RBFOX1: variants seen among roughly 807,000 people sequenced by gnomAD.
The protein encoded by RBFOX1 is RNA binding protein fox-1 homolog 1.
In RBFOX1, 8 loss-of-function variants were observed where a neutral mutation model predicts 57.7. That is an observed-to-expected ratio of 0.14 (90% CI 0.08 to 0.25). RBFOX1 has a LOEUF of 0.25. Ranked by LOEUF, RBFOX1 falls within the 10% of genes least tolerant of loss-of-function variation. The pLI is 1.00. For synonymous variants in RBFOX1, 326 were observed against 222.4 expected (o/e 1.47, Z -4.15); for missense variants, 611 against 548.5 (o/e 1.11, Z -1.14).
At chr16:6,660,587 C>T (rs1430637024) in intron 3 of RBFOX1, among the ~76,000 whole-genome samples, 1 of 152,146 alleles carries the variant, frequency 6.6e-6, no homozygotes, top group Non-Finnish European at 1.5e-5. Flanking sequence ...TCCCAAATAG[C>T]AACTCTGTGA....
chr16:6,489,718 T>C (rs937127483), intron 2 of RBFOX1, among the ~76,000 whole-genome samples: 1 of 152,192 alleles, frequency 6.6e-6, no homozygotes, highest in African/African-American at 2.4e-5. Context: ...TGAGTGATAA[T>C]GCTCACAGCT....
chr16:7,205,442 C>T (rs1051678018), intron 4 of RBFOX1, among the ~76,000 whole-genome samples: 2 of 149,944 alleles, frequency 1.3e-5, no homozygotes, highest in Non-Finnish European at 3.0e-5. Context: ...GGCTTGAACC[C>T]AGGAGGTGGA....
chr16:7,118,951 G>A (rs999039897), intron 4 of RBFOX1, among the ~76,000 whole-genome samples: 2 of 152,134 alleles, frequency 1.3e-5, no homozygotes, highest in African/African-American at 4.8e-5. Context: ...GTGTTTCTGT[G>A]AGTTTGGTAG....
At chr16:5,828,429 C>T (rs941407711) in intron 3 of RBFOX1, among the ~76,000 whole-genome samples, 19 of 152,184 alleles carry the variant, frequency 1.2e-4, no homozygotes, top group African/African-American at 3.6e-4. Flanking sequence ...ATGCAACCAC[C>T]GGGCTCACGC....
chr16:6,957,065 C>G (rs918519498), intron 3 of RBFOX1, among the ~76,000 whole-genome samples: 1 of 139,618 alleles, frequency 7.2e-6, no homozygotes, highest in Non-Finnish European at 1.5e-5. Flanking sequence ...AGCCCAAGGG[C>G]TGCTGGTTGC....
At chr16:5,240,472 C>A (rs2062137431) in intron 1 of RBFOX1, among the ~76,000 whole-genome samples, 1 of 152,120 alleles carries the variant, frequency 6.6e-6, no homozygotes, top group Non-Finnish European at 1.5e-5. Context: ...GTCGGTCCCA[C>A]CTGGCGGGGG....
intron 4 of RBFOX1, among the ~76,000 whole-genome samples, chr16:5,918,978 G>A (rs1481707994): frequency 1.3e-5 from 2 of 152,200 alleles, no homozygotes; most frequent in African/African-American, 2.4e-5. Flanking sequence ...TGGACACAAG[G>A]AGGCGCAGTG....
At chr16:6,107,277 G>C (rs1326532282) in intron 1 of RBFOX1, among the ~76,000 whole-genome samples, 1 of 152,064 alleles carries the variant, frequency 6.6e-6, no homozygotes, top group East Asian at 1.9e-4. Context: ...TGCTAGGAAA[G>C]GCTTGGAGTC....
At chr16:7,075,526 T>G (rs1598792503) in intron 4 of RBFOX1, among the ~76,000 whole-genome samples, 1 of 152,150 alleles carries the variant, frequency 6.6e-6, no homozygotes, top group African/African-American at 2.4e-5. Flanking sequence ...TATTAAAAAA[T>G]AAAAGCCCAC....
intron 1 of RBFOX1, among the ~76,000 whole-genome samples, chr16:6,230,620 A>C (rs2097451921): frequency 6.6e-6 from 1 of 152,334 alleles, no homozygotes; most frequent in South Asian, 2.1e-4. Context: ...GCAGAAGTAT[A>C]AAGAGGTCTG....
At chr16:5,968,230 A>AT (rs2059890102) in intron 4 of RBFOX1, among the ~76,000 whole-genome samples, 2 of 151,938 alleles carry the variant, frequency 1.3e-5, no homozygotes, top group Non-Finnish European at 2.9e-5. Flanking sequence ...ATGTACCACC[A>AT]TGCCCGGTTA....
chr16:7,231,347 A>T (rs1388105684), intron 4 of RBFOX1, among the ~76,000 whole-genome samples: 1 of 152,160 alleles, frequency 6.6e-6, no homozygotes, highest in Non-Finnish European at 1.5e-5. Flanking sequence ...CGTTCACGTG[A>T]CTAAACTGGA....
intron 1 of RBFOX1, among the ~76,000 whole-genome samples, chr16:5,362,253 C>T (rs778031030): frequency 3.9e-5 from 6 of 152,076 alleles, no homozygotes; most frequent in African/African-American, 7.2e-5. Flanking sequence ...TGCAGTGGCA[C>T]GATCTCAGCT....
intron 3 of RBFOX1, among the ~76,000 whole-genome samples, chr16:6,762,617 A>T (rs9932162): frequency 0.017 from 2,639 of 152,286 alleles, 79 homozygotes; most frequent in African/African-American, 0.06. Context: ...GGAACAGCAA[A>T]AGTCATTTTA....
intron 4 of RBFOX1, among the ~76,000 whole-genome samples, chr16:7,223,841 G>A (rs2092913753): frequency 6.6e-6 from 1 of 150,454 alleles, no homozygotes. Context: ...TTTTTTGGTA[G>A]AAATAGCCAT....
At chr16:6,815,010 T>G (rs1484172537) in intron 3 of RBFOX1, among the ~76,000 whole-genome samples, 2 of 152,178 alleles carry the variant, frequency 1.3e-5, no homozygotes, top group Admixed American at 6.5e-5. Context: ...TCCTTATCAT[T>G]ACTTCTTGAT....
intron 2 of RBFOX1, chr16:6,483,451 C>T (rs749971737): frequency 8.5e-6 from 13 of 1,535,588 alleles, no homozygotes; most frequent in Non-Finnish European, 1.1e-5. Context: ...GGACTTCTCC[C>T]GTGCTGTGTT....
chr16:6,812,233 A>T (rs75824482), intron 3 of RBFOX1, among the ~76,000 whole-genome samples: 2 of 152,176 alleles, frequency 1.3e-5, no homozygotes, highest in Admixed American at 6.5e-5. Flanking sequence ...AGCTCCTCAC[A>T]TTTCCTGTTT....
At chr16:6,515,409 G>A (rs559253153) in intron 2 of RBFOX1, among the ~76,000 whole-genome samples, 1 of 152,150 alleles carries the variant, frequency 6.6e-6, no homozygotes, top group Non-Finnish European at 1.5e-5. Context: ...ATGAGCCTGA[G>A]ATTTAGAGTC....
Sources: gnomAD v4.1 joint callset for allele counts (sites outside exome capture counted in the v4.1 genomes callset) on GRCh38, gnomAD v4.1.1 for gene constraint, MANE v1.5 for transcripts, NCBI Gene and HGNC (gene_info 2026-07-23, HGNC 2026-07-21) for gene names.